Variants in SHC4 observed in about 807,000 individuals in gnomAD.
SHC4 encodes the protein SHC-transforming protein 4.
In SHC4, 41 loss-of-function variants were observed where a neutral mutation model predicts 69.4. The ratio of observed to expected loss-of-function variants is 0.59; its 90% CI spans 0.46 to 0.77. The LOEUF is 0.77. Among genes scored for constraint, SHC4 ranks in the 30% least tolerant of loss-of-function variants. The probability of loss-of-function intolerance (pLI) is 0.00; values close to 1 mark genes in which losing one functional copy is unlikely to be tolerated. For synonymous variants in SHC4, 318 were observed against 299.3 expected, an observed-to-expected ratio of 1.06 and a Z score of -0.64; for missense variants, 777 against 783.8, an observed-to-expected ratio of 0.99 and a Z score of 0.10.
intron 2 of SHC4, among the ~76,000 whole-genome samples, chr15:48,907,840 G>A (rs56996174): frequency 0.077 from 10,910 of 141,946 alleles, 892 homozygotes; most frequent in East Asian, 0.42. Flanking sequence ...GTGTGTGTGT[G>A]TATATATATA....
intron 1 of SHC4, among the ~76,000 whole-genome samples, chr15:48,932,319 ATTC>A (rs1900980886): frequency 6.6e-6 from 1 of 152,202 alleles, no homozygotes; most frequent in South Asian, 2.1e-4. Flanking sequence ...GCTCTGAGAA[ATTC>A]TTCTTCAGTA....
chr15:48,872,377 C>T (rs1359063186), intron 4 of SHC4, among the ~76,000 whole-genome samples: 1 of 152,108 alleles, frequency 6.6e-6, no homozygotes, highest in African/African-American at 2.4e-5. Context: ...CTAGGGCTAG[C>T]CAATCAGAAA....
Position 48,843,458 on chromosome 15 carries a change from A to T in SHC4, c.1434T>A (p.Ala478=), listed in dbSNP as rs765520627. ...TQALQSTPGS[A]GNQRSAQPLG... is the part of the protein sequence containing the mutation. ...GTGGTTGGGCTGACCTTTGATTTCC[A>T]GCAGAGCCAGGTGTACTTTGAAGAG... The change falls in exon 10 of 12, where the codon GCT becomes GCA. Residue 478 remains alanine, a synonymous_variant. Coordinates refer to ENST00000332408, the MANE Select transcript of SHC4 (RefSeq NM_203349.4). 1.2e-6 allele frequency: 2 copies of T among 1,614,106 alleles called. No individual in the cohort carries two copies. The highest frequency in any genetic ancestry group is 1.7e-6 in the Non-Finnish European group (2 of 1,179,966).
chr15:48,902,835 T>C (rs1354065643), intron 2 of SHC4, among the ~76,000 whole-genome samples: 1 of 152,154 alleles, frequency 6.6e-6, no homozygotes, highest in Non-Finnish European at 1.5e-5. Context: ...CCCTTGACAG[T>C]TGATTTCAAG....
At chr15:48,960,319 G>A (rs1470879495) in intron 1 of SHC4, among the ~76,000 whole-genome samples, 1 of 152,182 alleles carries the variant, frequency 6.6e-6, no homozygotes, top group East Asian at 1.9e-4. Flanking sequence ...CTGAGGCAGA[G>A]GCTAGAGGAT....
chr15:48,853,151 T>C (rs1899248123), intron 8 of SHC4, among the ~76,000 whole-genome samples: 2 of 151,914 alleles, frequency 1.3e-5, no homozygotes, highest in African/African-American at 4.8e-5. Flanking sequence ...ACAAAAGCAA[T>C]GTACAAAAAT....
chr15:48,841,435 A>G (rs977601411), intron 10 of SHC4, among the ~76,000 whole-genome samples: 2 of 152,188 alleles, frequency 1.3e-5, no homozygotes, highest in Non-Finnish European at 2.9e-5. Flanking sequence ...TGCACTGCCC[A>G]GATCTCCCTT....
At chr15:48,877,907 C>A in intron 4 of SHC4, 1 of 377,342 alleles carries the variant, frequency 2.7e-6, no homozygotes, top group South Asian at 6.0e-5. Flanking sequence ...GGTTAAGTAA[C>A]ACAGAAACTG....
At chr15:48,926,046 T>A (rs2141025336) in intron 1 of SHC4, among the ~76,000 whole-genome samples, 1 of 152,164 alleles carries the variant, frequency 6.6e-6, no homozygotes, top group East Asian at 1.9e-4. Flanking sequence ...GGGAAGATGA[T>A]GAATTGGTTT....
chr15:48,901,956 C>T (rs1900325989), intron 2 of SHC4, among the ~76,000 whole-genome samples: 1 of 152,096 alleles, frequency 6.6e-6, no homozygotes, highest in African/African-American at 2.4e-5. Flanking sequence ...AATCCCAGCA[C>T]TTTGGGAGGC....
chr15:48,935,552 A>T (rs902855968), intron 1 of SHC4, among the ~76,000 whole-genome samples: 4 of 152,198 alleles, frequency 2.6e-5, no homozygotes, highest in African/African-American at 9.6e-5. Flanking sequence ...GTTCCTTCTT[A>T]AAGGGGTATA....
chr15:48,829,144 C>T (rs4775776), intron 11 of SHC4, among the ~76,000 whole-genome samples: 54,598 of 152,086 alleles, frequency 0.36, 11,390 homozygotes, highest in Non-Finnish European at 0.47. Context: ...CAAGACTTGT[C>T]TTGTTATCTA....
chr15:48,960,174 C>G (rs1181052460), intron 1 of SHC4, among the ~76,000 whole-genome samples: 1 of 152,100 alleles, frequency 6.6e-6, no homozygotes, highest in Non-Finnish European at 1.5e-5. Context: ...GATGGTGCCC[C>G]CATTAAAAAT....
rs1172233290 is a variant in SHC4 at position 48,962,654 on chromosome 15, T to A, written c.362A>T (p.Glu121Val). The change falls in exon 1 of 12, where the codon GAA (glutamate) becomes GTA (valine). Residue 121 changes from glutamate (E) to valine (V), a missense_variant. Physicochemically the swap from Glu to Val is moderately radical, Grantham distance 121. Coordinates refer to ENST00000332408, the MANE Select transcript of SHC4 (RefSeq NM_203349.4). ...TKEVPRLKLQ[E>V]SRDPGSSGPS... is the part of the protein sequence containing the mutation. ...GCCGCTGGAACCTGGGTCCCGGCTT[T>A]CCTGGAGCTTCAGCCGAGGCACCTC... 6.2e-7 allele frequency: 1 copy of A among 1,614,080 alleles called. No individual in the cohort carries two copies. Among genetic ancestry groups the A allele is most frequent in the Non-Finnish European group, 8.5e-7 (1 of 1,180,048 alleles).
At chr15:48,929,371 T>C (rs890119567) in intron 1 of SHC4, among the ~76,000 whole-genome samples, 3 of 152,218 alleles carry the variant, frequency 2.0e-5, no homozygotes, top group African/African-American at 7.2e-5. Flanking sequence ...CCTGGCCCCA[T>C]TCAGATAGGA....
At position 48,851,567 on chromosome 15, in the gene SHC4, T is replaced by C. The variant is rs17382555; in HGVS notation, c.1243-319A>G. ...CTCAATCCAAGTCTCAGCCAGAAAG[T>C]GATTTTCAGGACACTGCTATAAACA... is the stretch of plus-strand genomic sequence containing the variant. On this transcript the variant is annotated intron_variant, in intron 8 of 11. Transcript: ENST00000332408. 1.8e-3 allele frequency among the ~76,000 whole-genome samples: 271 copies of C among 152,242 alleles called. 1 individual carries two copies. Among genetic ancestry groups the C allele is most frequent in the Middle Eastern group, 3.4e-3 (1 of 294 alleles).
At chr15:48,858,144 T>C (rs918169966) in intron 6 of SHC4, among the ~76,000 whole-genome samples, 5 of 151,992 alleles carry the variant, frequency 3.3e-5, no homozygotes, top group African/African-American at 9.7e-5. Context: ...GAATTCAATA[T>C]AGATTATGCT....
At chr15:48,922,422 G>T (rs1267458440) in intron 2 of SHC4, among the ~76,000 whole-genome samples, 1 of 152,192 alleles carries the variant, frequency 6.6e-6, no homozygotes, top group East Asian at 1.9e-4. Flanking sequence ...TAATAGAAAT[G>T]TATTTCTTAG....
chr15:48,915,663 A>G (rs1900606025), intron 2 of SHC4, among the ~76,000 whole-genome samples: 1 of 152,220 alleles, frequency 6.6e-6, no homozygotes, highest in South Asian at 2.1e-4. Flanking sequence ...AATGGCCATG[A>G]ACCTTGACCC....
Sources: gnomAD v4.1 joint callset for allele counts (sites outside exome capture counted in the v4.1 genomes callset) on GRCh38, gnomAD v4.1.1 for gene constraint, MANE v1.5 for transcripts, NCBI Gene and HGNC (gene_info 2026-07-23, HGNC 2026-07-21) for gene names.